ZNHIT6: variants seen among roughly 807,000 people sequenced by gnomAD.
The protein encoded by ZNHIT6 is box C/D snoRNA protein 1.
A neutral mutation model predicts 57.2 loss-of-function variants in ZNHIT6; 45 were observed. That is an observed-to-expected ratio of 0.79 (90% confidence interval 0.62 to 1.01). The LOEUF is 1.01. Among genes scored for constraint, ZNHIT6 ranks in the 50% least tolerant of loss-of-function variants. The pLI is 0.00. For missense variants in ZNHIT6, 528 were observed against 567.3 expected (o/e 0.93, Z 0.70); for synonymous variants, 188 against 190.0 (o/e 0.99, Z 0.09).
intron 8 of ZNHIT6, among the ~76,000 whole-genome samples, chr1:85,676,359 C>T (rs1159338634): frequency 6.7e-6 from 1 of 149,150 alleles, no homozygotes; most frequent in Non-Finnish European, 1.5e-5. Context: ...AAAAAAAAGA[C>T]TGTTTTACTT....
At chr1:85,688,663 G>A (rs1016603703) in intron 5 of ZNHIT6, among the ~76,000 whole-genome samples, 1 of 152,072 alleles carries the variant, frequency 6.6e-6, no homozygotes, top group African/African-American at 2.4e-5. Flanking sequence ...ATACTTTCCT[G>A]GACACAATGG....
Position 85,708,378 on chromosome 1 carries a change from G to A in ZNHIT6, c.-94C>T, listed in dbSNP as rs117752703. On this transcript the variant is annotated 5_prime_UTR_variant, in exon 1 of 10. Coordinates refer to ENST00000370574, the MANE Select transcript of ZNHIT6 (RefSeq NM_017953.4). ...AATTACCGGTCGGAATACCTACGGCGGCCCACGTGTGGAGCCAAGCAGCCA... is the reference window on the plus strand; with the variant it reads ...AATTACCGGTCGGAATACCTACGGCAGCCCACGTGTGGAGCCAAGCAGCCA... 6.9e-4 allele frequency: 1,007 copies of A among 1,467,554 alleles called. 7 individuals are homozygous for A. The East Asian group carries it at 0.021, about 30-fold the overall frequency. 90.9% of individuals were successfully genotyped at this position (1,467,554 alleles called of 1,614,324 possible). A position where few individuals can be genotyped will look rare whatever the true frequency, so the allele number is the denominator to read the frequency against.
intron 5 of ZNHIT6, among the ~76,000 whole-genome samples, chr1:85,691,886 A>C (rs1048410552): frequency 2.6e-5 from 4 of 152,126 alleles, no homozygotes; most frequent in African/African-American, 9.7e-5. Flanking sequence ...CTCTGTCTCA[A>C]CGCCGGGTAT....
chr1:85,651,974 A>C lies in ZNHIT6; in HGVS notation c.*2084T>G, dbSNP rs563054228. On this transcript the variant is annotated 3_prime_UTR_variant, in exon 10 of 10. Coordinates refer to ENST00000370574, the MANE Select transcript of ZNHIT6 (RefSeq NM_017953.4). The stretch of plus-strand genomic sequence containing the variant: ...TAATTATATTTAGGGGAATTCTAAG[A>C]GTTATATTCTTTCCTAATAGCCTAT... The C allele has an allele frequency of 1.0e-3, 155 of 152,328 alleles. 1 individual carries two copies. Among genetic ancestry groups the C allele is most frequent in the African/African-American group, 3.6e-3 (151 of 41,576 alleles). 9.4% of individuals were successfully genotyped at this position (152,328 alleles called of 1,614,324 possible).
chr1:85,682,998 T>C (rs1661920265), intron 5 of ZNHIT6, among the ~76,000 whole-genome samples: 1 of 152,004 alleles, frequency 6.6e-6, no homozygotes, highest in African/African-American at 2.4e-5. Context: ...GGGCGCATCG[T>C]TTGAGCCCAG....
At chr1:85,691,225 T>C (rs968363740) in intron 5 of ZNHIT6, among the ~76,000 whole-genome samples, 1 of 152,180 alleles carries the variant, frequency 6.6e-6, no homozygotes, top group Non-Finnish European at 1.5e-5. Context: ...AAAGATTAAA[T>C]AAAATTTGTT....
rs114501846 is a variant in ZNHIT6, at chr1:85,671,227, C to T, written c.1247+6009G>A. Among the ~76,000 whole-genome samples the T allele has an allele frequency of 3.4e-3, 514 of 152,272 alleles. 2 individuals carry two copies. Among genetic ancestry groups the T allele is most frequent in the African/African-American group, 0.011 (440 of 41,554 alleles). On this transcript the variant is annotated intron_variant, in intron 8 of 9. Transcript: ENST00000370574. ...GTTAACAAACACAACTGGTTATCTG[C>T]TCCCTTGTGTTTAGTGGTGAGTGGC...
chr1:85,664,754 C>A (rs986541963), intron 8 of ZNHIT6, among the ~76,000 whole-genome samples: 1 of 151,912 alleles, frequency 6.6e-6, no homozygotes, highest in Non-Finnish European at 1.5e-5. Flanking sequence ...AATCTGTACA[C>A]GTACCCCTGA....
intron 5 of ZNHIT6, among the ~76,000 whole-genome samples, chr1:85,682,953 G>A (rs976435993): frequency 6.6e-6 from 1 of 152,188 alleles, no homozygotes; most frequent in African/African-American, 2.4e-5. Context: ...AGTGGCTAAA[G>A]CCTGTATAAT....
chr1:85,667,647 T>G lies in ZNHIT6; in HGVS notation c.1247+9589A>C, dbSNP rs867041022. On this transcript the variant is annotated intron_variant, in intron 8 of 9. Coordinates refer to ENST00000370574, the MANE Select transcript of ZNHIT6 (RefSeq NM_017953.4). Reference sequence around the variant, plus strand: ...ATCCATTAAAAAAAAAAAAAAAGAATAATGGCCATGTGTGGTGGCTCACAC... The same window carrying G: ...ATCCATTAAAAAAAAAAAAAAAGAAGAATGGCCATGTGTGGTGGCTCACAC... 1.1e-3 allele frequency among the ~76,000 whole-genome samples: 157 copies of G among 137,528 alleles called. 1 individual carries two copies. The highest frequency in any genetic ancestry group is 4.1e-3 in the African/African-American group (151 of 37,156). 90.2% of individuals were successfully genotyped at this position (137,528 alleles called of 152,430 possible). A position where few individuals can be genotyped will look rare whatever the true frequency, so the allele number is the denominator to read the frequency against.
Position 85,653,907 on chromosome 1 carries a change from AT to A in ZNHIT6, c.*150del. On this transcript the variant is annotated 3_prime_UTR_variant, in exon 10 of 10. Coordinates refer to ENST00000370574, the MANE Select transcript of ZNHIT6 (RefSeq NM_017953.4). ...GTCAATTAATTCAAGAGGTTATAAA[AT>A]ACATTTTTTAAAAGAGTTAAGCTTA... 1 of 629,342 alleles carries A rather than the reference AT, an allele frequency of 1.6e-6. No individual in the cohort carries two copies. 39.0% of individuals were successfully genotyped at this position (629,342 alleles called of 1,614,324 possible). A position where few individuals can be genotyped will look rare whatever the true frequency, so the allele number is the denominator to read the frequency against.
chr1:85,681,713 A>G (rs1368619100), intron 5 of ZNHIT6, among the ~76,000 whole-genome samples: 1 of 152,182 alleles, frequency 6.6e-6, no homozygotes, highest in African/African-American at 2.4e-5. Flanking sequence ...AATACAATCT[A>G]TCTTTCACCA....
chr1:85,706,744 G>A (rs1207427250), intron 1 of ZNHIT6, among the ~76,000 whole-genome samples: 1 of 151,996 alleles, frequency 6.6e-6, no homozygotes, highest in Non-Finnish European at 1.5e-5. Flanking sequence ...AACCCATCTC[G>A]CTTTTGACTT....
In ZNHIT6 at chr1:85,651,397, C is replaced by T. The variant is rs1328502016; in HGVS notation, c.*2661G>A. On this transcript the variant is annotated 3_prime_UTR_variant, in exon 10 of 10. Coordinates refer to ENST00000370574, the MANE Select transcript of ZNHIT6 (RefSeq NM_017953.4). ...GAATTACAGGTGCCTGCCACCACGC[C>T]TGGCTAATTTTTGTATTTTTAGTAG... The T allele has an allele frequency of 1.3e-5, 2 of 152,070 alleles. No individual in the cohort carries two copies. Among genetic ancestry groups the T allele is most frequent in the African/African-American group, 4.8e-5 (2 of 41,386 alleles). The allele number at this position is 152,070 out of a possible 1,614,324, so 9.4% of individuals were successfully genotyped here.
intron 5 of ZNHIT6, among the ~76,000 whole-genome samples, chr1:85,699,003 G>C (rs1449723184): frequency 6.6e-6 from 1 of 152,012 alleles, no homozygotes; most frequent in East Asian, 1.9e-4. Flanking sequence ...CAATAACCTG[G>C]TAAGTCAGAT....
In ZNHIT6 at chr1:85,678,715, A is replaced by G. The variant is rs139562514; in HGVS notation, c.1155T>C (p.Pro385=). ...KPYIDPEKSD[P]VIRQRLKAYI... ...TTGAAGCATACCTTTGACGAATTACAGGATCAGACTTTTCAGGATCAATGT... is the reference window on the plus strand; with the variant it reads ...TTGAAGCATACCTTTGACGAATTACGGGATCAGACTTTTCAGGATCAATGT... Residue 385 remains proline, a synonymous_variant, in exon 7 of 10, where the codon CCT becomes CCC. Coordinates refer to ENST00000370574, the MANE Select transcript of ZNHIT6 (RefSeq NM_017953.4). 1.9e-4 allele frequency: 294 copies of G among 1,588,504 alleles called. 1 individual carries two copies. The African/African-American group carries it at 3.6e-3, about 20-fold the overall frequency.
chr1:85,657,640 A>G (rs1405183795), intron 9 of ZNHIT6, among the ~76,000 whole-genome samples: 1 of 152,154 alleles, frequency 6.6e-6, no homozygotes, highest in Non-Finnish European at 1.5e-5. Context: ...TTCACTTAAA[A>G]TTGGTTTTAT....
At chr1:85,658,922 T>A (rs899290347) in intron 8 of ZNHIT6, among the ~76,000 whole-genome samples, 3 of 152,022 alleles carry the variant, frequency 2.0e-5, no homozygotes, top group African/African-American at 7.3e-5. Flanking sequence ...TTATTTTTCT[T>A]GAATAAAAGA....
At chr1:85,692,733 A>T (rs1225372031) in intron 5 of ZNHIT6, among the ~76,000 whole-genome samples, 1 of 145,356 alleles carries the variant, frequency 6.9e-6, no homozygotes, top group Non-Finnish European at 1.5e-5. Flanking sequence ...AAAAAAAAAA[A>T]GTCCTGTGCT....
Sources: allele counts gnomAD v4.1 joint callset (sites outside exome capture counted in the v4.1 genomes callset), GRCh38; gene constraint gnomAD v4.1.1; transcripts MANE v1.5; gene names NCBI Gene and HGNC (gene_info 2026-07-23, HGNC 2026-07-21).